The following SMYD3 variants were observed in gnomAD, a reference collection of about 807,000 sequenced individuals.
SMYD3 encodes the protein histone-lysine N-methyltransferase SMYD3.
A neutral mutation model predicts 57.7 loss-of-function variants in SMYD3; 36 were observed. The observed-to-expected ratio is 0.62, with a 90% CI of 0.48 to 0.82. The LOEUF is 0.82. Among genes scored for constraint, SMYD3 ranks in the 40% least tolerant of loss-of-function variants. SMYD3 has a pLI of 0.00. For missense variants in SMYD3, 515 were observed against 538.8 expected, an observed-to-expected ratio of 0.96 and a Z score of 0.44; for synonymous variants, 211 against 195.0, an observed-to-expected ratio of 1.08 and a Z score of -0.68.
At chr1:246,118,559 C>T (rs767695824) in intron 5 of SMYD3, among the ~76,000 whole-genome samples, 1 of 152,168 alleles carries the variant, frequency 6.6e-6, no homozygotes, top group Admixed American at 6.5e-5. Flanking sequence ...AAACATTAAA[C>T]GCACAAACTG....
At chr1:246,299,082 C>A (rs2064847490) in intron 5 of SMYD3, among the ~76,000 whole-genome samples, 1 of 152,104 alleles carries the variant, frequency 6.6e-6, no homozygotes, top group South Asian at 2.1e-4. Context: ...TCTGTTTCTG[C>A]AACTTCATTT....
intron 5 of SMYD3, among the ~76,000 whole-genome samples, chr1:245,969,105 A>G (rs1034615894): frequency 2.0e-5 from 3 of 152,330 alleles, no homozygotes; most frequent in East Asian, 3.9e-4. Context: ...TCAAAACGTA[A>G]GTACTTCTGA....
At chr1:246,315,509 C>T (rs1203810656) in intron 5 of SMYD3, among the ~76,000 whole-genome samples, 1 of 152,148 alleles carries the variant, frequency 6.6e-6, no homozygotes, top group Non-Finnish European at 1.5e-5. Flanking sequence ...GAGCAGTTTA[C>T]ATATCATCTA....
chr1:245,768,023 G>A (rs565643318), intron 10 of SMYD3, among the ~76,000 whole-genome samples: 10 of 152,248 alleles, frequency 6.6e-5, no homozygotes, highest in African/African-American at 2.2e-4. Flanking sequence ...CAGAATCTGG[G>A]GATCCAAGGG....
chr1:245,776,638 TG>T (rs2046611279), intron 10 of SMYD3, among the ~76,000 whole-genome samples: 1 of 152,210 alleles, frequency 6.6e-6, no homozygotes, highest in Admixed American at 6.5e-5. Context: ...CCACAGACCT[TG>T]AAGAAGTCAT....
rs1484845461 is a variant in SMYD3, at chr1:246,203,369, A to T, written c.531+123832T>A. Among the ~76,000 whole-genome samples the T allele has an allele frequency of 6.6e-6, 1 of 152,208 alleles. No individual in the cohort carries two copies. The stretch of plus-strand genomic sequence containing the variant: ...CAATTCTCTCCCGCTTCTGGACGCC[A>T]GCACCTCCCCATGGTTGTTCGCTAG... On this transcript the variant is annotated intron_variant, in intron 5 of 11. Coordinates refer to ENST00000490107, the MANE Select transcript of SMYD3 (RefSeq NM_001167740.2). This position sits in a 1 kb window ranked among gnomAD's most constrained non-coding sequence, Gnocchi z 4.6.
In SMYD3 at chr1:245,936,822, G is replaced by A. The variant is rs117572403; in HGVS notation, c.532-6885C>T. Among the ~76,000 whole-genome samples the A allele has an allele frequency of 3.2e-4, 48 of 151,194 alleles. No homozygotes were observed. The East Asian group carries it at 6.0e-3, about 19-fold the overall frequency. ...GCTGAGGCTGCAGTGAGCCATGATCGCGCCACTGCACTCCAATGACTGTCC... is the reference window on the plus strand; with the variant it reads ...GCTGAGGCTGCAGTGAGCCATGATCACGCCACTGCACTCCAATGACTGTCC... On this transcript the variant is annotated intron_variant, in intron 5 of 11. Coordinates refer to ENST00000490107, the MANE Select transcript of SMYD3 (RefSeq NM_001167740.2).
intron 10 of SMYD3, among the ~76,000 whole-genome samples, chr1:245,819,050 G>T (rs1410804115): frequency 8.6e-6 from 1 of 115,944 alleles, no homozygotes. Context: ...GGACCTAATA[G>T]ACATCTACAG....
At chr1:246,405,116 T>A (rs1373217239) in intron 1 of SMYD3, among the ~76,000 whole-genome samples, 1 of 152,096 alleles carries the variant, frequency 6.6e-6, no homozygotes, top group Non-Finnish European at 1.5e-5. Flanking sequence ...CACACCTGGC[T>A]AATTTTTATA....
chr1:245,749,626 G>A lies in SMYD3; in HGVS notation c.1224C>T (p.His408=), dbSNP rs2045249561. 1.2e-6 allele frequency: 2 copies of A among 1,614,160 alleles called. No individual in the cohort carries two copies. Among genetic ancestry groups the A allele is most frequent in the Non-Finnish European group, 1.7e-6 (2 of 1,180,016 alleles). ...GTAGAATCAAATCTTCAATCAGGCT[G>A]TGTTCTCTGCCATGTGTCACTCTCA... ...DIMRVTHGRE[H]SLIEDLILLL... The change falls in exon 12 of 12, where the codon CAC becomes CAT. Residue 408 remains histidine (H), a synonymous_variant. Transcript: ENST00000490107.
At chr1:246,167,432 G>C (rs78112607) in intron 5 of SMYD3, among the ~76,000 whole-genome samples, 7,729 of 151,482 alleles carry the variant, frequency 0.051, 256 homozygotes, top group Middle Eastern at 0.071. Context: ...CCATTTTACT[G>C]ATCACGGCCA....
intron 5 of SMYD3, among the ~76,000 whole-genome samples, chr1:246,030,643 T>C (rs748762463): frequency 2.0e-5 from 3 of 152,204 alleles, no homozygotes; most frequent in Non-Finnish European, 4.4e-5. Flanking sequence ...TATACACATA[T>C]GAAAATATCA....
chr1:245,752,902 G>A (rs1358876133), intron 11 of SMYD3, among the ~76,000 whole-genome samples: 1 of 152,174 alleles, frequency 6.6e-6, no homozygotes, highest in African/African-American at 2.4e-5. Flanking sequence ...TGACCTCTCG[G>A]CTCTCAGGAC....
At position 245,965,640 on chromosome 1, in the gene SMYD3, T is replaced by G. The variant is rs537916642; in HGVS notation, c.532-35703A>C. Among the ~76,000 whole-genome samples the G allele has an allele frequency of 1.3e-5, 2 of 152,256 alleles. 1 individual carries two copies. Among genetic ancestry groups the G allele is most frequent in the Middle Eastern group, 6.8e-3 (2 of 294 alleles). Reference sequence around the variant, plus strand: ...GTGTAAGAAGCCAATCTGAAACACTTTATACGGTATGATTTCAACTGTATG... The same window carrying G: ...GTGTAAGAAGCCAATCTGAAACACTGTATACGGTATGATTTCAACTGTATG... On this transcript the variant is annotated intron_variant, in intron 5 of 11. Coordinates refer to ENST00000490107, the MANE Select transcript of SMYD3 (RefSeq NM_001167740.2).
At chr1:246,295,473 T>C (rs2148602933) in intron 5 of SMYD3, among the ~76,000 whole-genome samples, 1 of 152,252 alleles carries the variant, frequency 6.6e-6, no homozygotes, top group South Asian at 2.1e-4. Context: ...CAGGGAAAGG[T>C]CTCCAATTTC....
rs1485765618 is a variant in SMYD3 at position 246,109,724 on chromosome 1, A to G, written c.532-179787T>C. The stretch of plus-strand genomic sequence containing the variant: ...ATTATTACCAAACTACTGATAATTG[A>G]TCTCCTGGTCTCCAGGTTTGTTTGT... On this transcript the variant is annotated intron_variant, in intron 5 of 11. Transcript: ENST00000490107. The G allele has an allele frequency of 2.0e-5, 3 of 152,284 alleles. No homozygotes were observed. The East Asian group carries it at 5.8e-4, about 29-fold the overall frequency. 9.4% of individuals were successfully genotyped at this position (152,284 alleles called of 1,614,324 possible).
intron 8 of SMYD3, among the ~76,000 whole-genome samples, chr1:245,893,296 A>G (rs1276257938): frequency 2.0e-5 from 3 of 152,216 alleles, no homozygotes; most frequent in Non-Finnish European, 4.4e-5. Context: ...TTTGAAAAAA[A>G]GTGCAGCAAT....
intron 10 of SMYD3, among the ~76,000 whole-genome samples, chr1:245,773,256 G>A (rs1491003452): frequency 6.6e-6 from 1 of 152,212 alleles, no homozygotes; most frequent in Admixed American, 6.5e-5. Flanking sequence ...GCCTGGAGTA[G>A]TTGAGATGAT....
intron 10 of SMYD3, among the ~76,000 whole-genome samples, chr1:245,822,202 G>T (rs1384147652): frequency 6.6e-6 from 1 of 151,960 alleles, no homozygotes; most frequent in African/African-American, 2.4e-5. Flanking sequence ...ATACACCATG[G>T]AATACTATGC....
Sources: allele counts gnomAD v4.1 joint callset (sites outside exome capture counted in the v4.1 genomes callset), GRCh38; gene constraint gnomAD v4.1.1; non-coding constraint Gnocchi (gnomAD v3.1); transcripts MANE v1.5; gene names NCBI Gene and HGNC (gene_info 2026-07-23, HGNC 2026-07-21).